Variants in ZC3H12B observed in about 807,000 individuals in gnomAD.
ZC3H12B encodes zinc finger CCCH-type containing 12B.
Under a neutral mutation model 43.9 loss-of-function variants are expected in ZC3H12B, and 7 were observed. The observed-to-expected ratio is 0.16, with a 90% confidence interval of 0.09 to 0.30. The LOEUF is 0.30. Ranked by LOEUF, ZC3H12B falls within the 10% of genes least tolerant of loss-of-function variation. ZC3H12B has a pLI of 1.00. For missense variants in ZC3H12B, 475 were observed against 670.2 expected, an observed-to-expected ratio of 0.71 and a Z score of 3.22; for synonymous variants, 222 against 241.7, an observed-to-expected ratio of 0.92 and a Z score of 0.76.
At chrX:65,318,026 G>C in the ZC3H12B span, among the ~76,000 whole-genome samples, 2 of 108,496 alleles carry the variant, frequency 1.8e-5, no homozygotes, top group Non-Finnish European at 3.8e-5. Context: ...CTTTTCCTCT[G>C]GGCAGATATC....
chrX:65,446,140 C>G (rs1476737684), intron 3 of ZC3H12B, among the ~76,000 whole-genome samples: 1 of 111,923 alleles, frequency 8.9e-6, no homozygotes, highest in East Asian at 2.8e-4. Context: ...CTAGCAATGT[C>G]ATGTGGGAAC....
intron 2 of ZC3H12B, among the ~76,000 whole-genome samples, chrX:65,393,663 T>A (rs1396667703): frequency 2.7e-5 from 3 of 112,168 alleles, no homozygotes; most frequent in African/African-American, 9.7e-5. Context: ...TAAACACATG[T>A]GTACATGTGT....
intron 2 of ZC3H12B, among the ~76,000 whole-genome samples, chrX:65,380,332 C>T (rs761257364): frequency 9.9e-5 from 11 of 111,530 alleles, no homozygotes; most frequent in South Asian, 3.7e-4. Context: ...AATTTTCAAC[C>T]GAGAATTTCA....
chrX:65,347,231 A>T, the ZC3H12B span, among the ~76,000 whole-genome samples: 1 of 111,602 alleles, frequency 9.0e-6, no homozygotes, highest in Admixed American at 9.5e-5. Flanking sequence ...TAGAAGGAAA[A>T]CTAACAAACA....
the ZC3H12B span, among the ~76,000 whole-genome samples, chrX:65,205,644 C>G: frequency 9.0e-6 from 1 of 111,524 alleles, no homozygotes; most frequent in Non-Finnish European, 1.9e-5. Flanking sequence ...TCTCACCACT[C>G]CTCTTCAACA....
chrX:65,392,779 A>G (rs1412585719), intron 2 of ZC3H12B, among the ~76,000 whole-genome samples: 2 of 113,282 alleles, frequency 1.8e-5, no homozygotes, highest in African/African-American at 6.4e-5. Context: ...GGCCATGATG[A>G]CGATGGCAGT....
the ZC3H12B span, among the ~76,000 whole-genome samples, chrX:65,117,774 A>C: frequency 8.9e-6 from 1 of 111,907 alleles, no homozygotes; most frequent in African/African-American, 3.3e-5. Context: ...TCAGCTTTCT[A>C]CATATGGCTA....
At chrX:65,488,963 C>T (rs1352148920) in exon 1 of ZC3H12B, 3 of 1,210,667 alleles carry the variant, frequency 2.5e-6, no homozygotes, top group African/African-American at 1.7e-5. Context: ...TTAAGAGTAG[C>T]GACAACAGCA....
chrX:65,169,413 T>A, the ZC3H12B span, among the ~76,000 whole-genome samples: 1 of 111,978 alleles, frequency 8.9e-6, no homozygotes, highest in South Asian at 3.7e-4. Context: ...TTGTTATAAT[T>A]TCTGTTATTT....
At chrX:65,125,885 A>G in the ZC3H12B span, among the ~76,000 whole-genome samples, 1 of 111,004 alleles carries the variant, frequency 9.0e-6, no homozygotes, top group Non-Finnish European at 1.9e-5. Flanking sequence ...AGTTTCCTGA[A>G]AGTAGCATAA....
chrX:65,071,555 A>G, the ZC3H12B span, among the ~76,000 whole-genome samples: 73 of 111,085 alleles, frequency 6.6e-4, no homozygotes, highest in African/African-American at 2.3e-3. Context: ...TCACTGGTCT[A>G]TGTACTTAAA....
chrX:65,458,062 T>TAAAAAAAAAAAAAAAAAAAAATAAAA (rs2067658387), intron 3 of ZC3H12B, among the ~76,000 whole-genome samples: 6 of 15,850 alleles, frequency 3.8e-4, no homozygotes, highest in East Asian at 2.0e-3. Flanking sequence ...GAATGATCAA[T>TAAAAAAAAAAAAAAAAAAAAATAAAA]AAAAAAAAAA....
At chrX:65,124,008 C>T in the ZC3H12B span, among the ~76,000 whole-genome samples, 2 of 110,769 alleles carry the variant, frequency 1.8e-5, no homozygotes, top group Admixed American at 1.9e-4. Context: ...AGTTCTCTGG[C>T]TAGACTTCCA....
intron 2 of ZC3H12B, among the ~76,000 whole-genome samples, chrX:65,385,097 T>G (rs1430035853): frequency 1.8e-5 from 2 of 112,282 alleles, no homozygotes; most frequent in African/African-American, 6.5e-5. Context: ...TCGCCAGCTT[T>G]GTTCTTTTGG....
At chrX:65,155,505 C>T in the ZC3H12B span, among the ~76,000 whole-genome samples, 2 of 111,019 alleles carry the variant, frequency 1.8e-5, no homozygotes, top group Non-Finnish European at 3.8e-5. Context: ...CGTGGGTTTT[C>T]CTTTGTCATT....
chrX:65,119,219 C>A, the ZC3H12B span, among the ~76,000 whole-genome samples: 2 of 111,526 alleles, frequency 1.8e-5, no homozygotes, highest in Non-Finnish European at 3.8e-5. Flanking sequence ...CCTGAGGAAT[C>A]GCCACACTGA....
At chrX:65,229,360 T>C in the ZC3H12B span, among the ~76,000 whole-genome samples, 1 of 110,526 alleles carries the variant, frequency 9.0e-6, no homozygotes, top group Non-Finnish European at 1.9e-5. Context: ...GATCCCTTCC[T>C]TACACCTTAT....
the ZC3H12B span, among the ~76,000 whole-genome samples, chrX:65,353,624 C>T: frequency 1.9e-3 from 212 of 112,009 alleles, 4 homozygotes; most frequent in East Asian, 0.037. Context: ...ACTGTTCACT[C>T]CCCTGGAAAG....
chrX:65,391,687 T>C (rs2066618206), intron 2 of ZC3H12B, among the ~76,000 whole-genome samples: 1 of 111,223 alleles, frequency 9.0e-6, no homozygotes, highest in Non-Finnish European at 1.9e-5. Flanking sequence ...ATCCTTTCAA[T>C]TGATGCTGAA....
Sources: allele counts gnomAD v4.1 joint callset (sites outside exome capture counted in the v4.1 genomes callset), GRCh38; gene constraint gnomAD v4.1.1; transcripts MANE v1.5; gene names NCBI Gene and HGNC (gene_info 2026-07-23, HGNC 2026-07-21).